Variants in RPIA observed in about 807,000 individuals in gnomAD.
The protein encoded by RPIA is ribose 5-phosphate isomerase A, also known as ribose-5-phosphate isomerase.
Under a neutral mutation model 37.8 loss-of-function variants are expected in RPIA, and 29 were observed. The observed-to-expected ratio is 0.77, with a 90% CI of 0.57 to 1.05. The LOEUF (loss-of-function observed/expected upper bound fraction) is 1.05. Ranked by LOEUF, RPIA falls within the 50% of genes least tolerant of loss-of-function variation. The pLI is 0.00. For synonymous variants in RPIA, 167 were observed against 157.0 expected (o/e 1.06, Z -0.48); for missense variants, 385 against 413.6 (o/e 0.93, Z 0.60).
intron 4 of RPIA, among the ~76,000 whole-genome samples, chr2:88,733,083 C>A (rs570498099): frequency 5.1e-4 from 78 of 152,248 alleles, no homozygotes; most frequent in African/African-American, 1.8e-3. Context: ...TAGACTAATG[C>A]TAGTTTGAGT....
At chr2:88,713,153 C>CTTTTTTTTTTTT (rs1175205465) in intron 3 of RPIA, among the ~76,000 whole-genome samples, 5 of 24,296 alleles carry the variant, frequency 2.1e-4, no homozygotes, top group Non-Finnish European at 2.7e-4. Flanking sequence ...ACGAGTAGGC[C>CTTTTTTTTTTTT]TTTTTTTTTT....
chr2:88,735,586 G>C (rs188027084), intron 5 of RPIA, 83 bp from the exon 6 acceptor site: 3 of 1,221,462 alleles, frequency 2.5e-6, no homozygotes. Flanking sequence ...GGATTGAGTG[G>C]ATTTGGGATT....
intron 3 of RPIA, among the ~76,000 whole-genome samples, chr2:88,710,611 A>G (rs892383396): frequency 6.6e-6 from 1 of 152,194 alleles, no homozygotes; most frequent in African/African-American, 2.4e-5. Flanking sequence ...GGGGTCTTGA[A>G]TGAGCCCCAT....
chr2:88,750,118 C>A lies in RPIA; in HGVS notation c.*40C>A. The stretch of plus-strand genomic sequence containing the variant: ...GAGTGTGTTCACCTTGAGTCTCCAG[C>A]CCACAGCCAAGGTGGACGTACCTCT... On this transcript the variant is annotated 3_prime_UTR_variant, in exon 9 of 9. Coordinates refer to ENST00000283646, the MANE Select transcript of RPIA (RefSeq NM_144563.3). 6.9e-7 allele frequency: 1 copy of A among 1,445,110 alleles called. No individual in the cohort carries two copies. The allele number at this position is 1,445,110 out of a possible 1,614,324, so 89.5% of individuals were successfully genotyped here. A position where few individuals can be genotyped will look rare whatever the true frequency, so the allele number is the denominator to read the frequency against.
chr2:88,727,031 G>A (rs1231676396), intron 3 of RPIA, among the ~76,000 whole-genome samples: 3 of 152,206 alleles, frequency 2.0e-5, no homozygotes, highest in Non-Finnish European at 4.4e-5. Flanking sequence ...GAGCCACCGC[G>A]CATGGCTGTT....
At position 88,750,646 on chromosome 2, in the gene RPIA, G is replaced by T; in HGVS notation, c.*568G>T. The T allele has an allele frequency of 2.5e-6, 1 of 400,318 alleles. No individual in the cohort carries two copies. The highest frequency in any genetic ancestry group is 1.3e-4 in the South Asian group (1 of 7,960). 24.8% of individuals were successfully genotyped at this position (400,318 alleles called of 1,614,324 possible). ...GGAGTGGAGCGGTATGGTATGGAAT[G>T]ACTTGGAATGTAAGCTGTCAGGGAG... On this transcript the variant is annotated 3_prime_UTR_variant, in exon 9 of 9. Transcript: ENST00000283646.
chr2:88,713,123 T>A (rs796940634), intron 3 of RPIA, among the ~76,000 whole-genome samples: 2,380 of 131,164 alleles, frequency 0.018, 22 homozygotes, highest in African/African-American at 0.039. Flanking sequence ...TATATATATT[T>A]TTTTTTTTTT....
rs1405411697 is a variant in RPIA, at chr2:88,750,147, G to A, written c.*69G>A. 1 of 1,134,110 alleles carries A rather than the reference G, an allele frequency of 8.8e-7. No homozygotes were observed. Among genetic ancestry groups the A allele is most frequent in the African/African-American group, 1.5e-5 (1 of 65,596 alleles). 70.3% of individuals were successfully genotyped at this position (1,134,110 alleles called of 1,614,324 possible). ...CAGCCAAGGTGGACGTACCTCTCCA[G>A]GAGCCTTTGCCTTAATGTATCTCTG... On this transcript the variant is annotated 3_prime_UTR_variant, in exon 9 of 9. Coordinates refer to ENST00000283646, the MANE Select transcript of RPIA (RefSeq NM_144563.3).
At chr2:88,726,083 C>G (rs1207828709) in intron 3 of RPIA, among the ~76,000 whole-genome samples, 1 of 152,116 alleles carries the variant, frequency 6.6e-6, no homozygotes, top group East Asian at 1.9e-4. Flanking sequence ...GGGAGAGTCT[C>G]AGGGCTTGCA....
Position 88,691,724 on chromosome 2 carries a change from C to G in RPIA, c.26C>G (p.Thr9Ser), listed in dbSNP as rs1676933938. The G allele has an allele frequency of 1.9e-6, 3 of 1,590,838 alleles. No individual in the cohort carries two copies. The highest frequency in any genetic ancestry group is 2.6e-6 in the Non-Finnish European group (3 of 1,174,084). Residue 9 changes from threonine (T) to serine (S), a missense_variant, in exon 1 of 9, where the codon ACC (threonine) becomes AGC (serine). Transcript: ENST00000283646. Reference protein sequence around the residue: MQRPGPFSTLYGRVLAPLP... With the variant: MQRPGPFSSLYGRVLAPLP... ...ATGCAGCGCCCCGGGCCCTTCAGCA[C>G]CCTCTACGGGCGGGTCTTGGCCCCG...
intron 8 of RPIA, among the ~76,000 whole-genome samples, chr2:88,748,709 TTC>T (rs1673467129): frequency 6.6e-6 from 1 of 152,328 alleles, no homozygotes; most frequent in Middle Eastern, 3.4e-3. Flanking sequence ...TTTTAGTTTT[TTC>T]TCTTTCTTTC....
chr2:88,738,185 T>C, intron 8 of RPIA, 109 bp downstream of exon 8: 1 of 824,100 alleles, frequency 1.2e-6, no homozygotes, highest in Non-Finnish European at 2.1e-6. Flanking sequence ...AAGGCTTGGT[T>C]GGAAAGAAGA....
chr2:88,749,911 C>G, intron 8 of RPIA, 70 bp from the exon 9 acceptor site: 1 of 1,057,426 alleles, frequency 9.5e-7, no homozygotes. Context: ...TCTAGTGACC[C>G]TGCAGTCTTT....
At chr2:88,714,158 TG>T (rs1673002948) in intron 3 of RPIA, among the ~76,000 whole-genome samples, 2 of 129,964 alleles carry the variant, frequency 1.5e-5, no homozygotes, top group East Asian at 2.2e-4. Flanking sequence ...GCTCATTTTT[TG>T]TTTTTTTGTT....
intron 3 of RPIA, among the ~76,000 whole-genome samples, chr2:88,718,939 C>G (rs1363892093): frequency 6.6e-6 from 1 of 152,116 alleles, no homozygotes; most frequent in African/African-American, 2.4e-5. Context: ...ACGTCTTAAG[C>G]AAAACGTTAA....
intron 2 of RPIA, 93 bp downstream of exon 2, chr2:88,698,637 T>C: frequency 8.5e-7 from 1 of 1,182,246 alleles, no homozygotes; most frequent in Non-Finnish European, 1.3e-6. Flanking sequence ...GGTTTGGCAT[T>C]GCCCTTTTGG....
At chr2:88,748,133 A>G (rs1177067273) in intron 8 of RPIA, among the ~76,000 whole-genome samples, 1 of 152,202 alleles carries the variant, frequency 6.6e-6, no homozygotes, top group African/African-American at 2.4e-5. Context: ...TGTTACCAAA[A>G]TTGTGTGGCC....
At chr2:88,747,993 C>T (rs1673458786) in intron 8 of RPIA, among the ~76,000 whole-genome samples, 1 of 152,192 alleles carries the variant, frequency 6.6e-6, no homozygotes, top group Non-Finnish European at 1.5e-5. Context: ...TCTTCTATTG[C>T]CATTTTCCTG....
chr2:88,750,434 T>G lies in RPIA; in HGVS notation c.*356T>G, dbSNP rs1013777714. On this transcript the variant is annotated 3_prime_UTR_variant, in exon 9 of 9. Coordinates refer to ENST00000283646, the MANE Select transcript of RPIA (RefSeq NM_144563.3). The stretch of plus-strand genomic sequence containing the variant: ...TGGTAAAGCTTCTGAATATTGAGTT[T>G]GCTGAGAAATAAAAATCAAAACTTC... The G allele has an allele frequency of 7.1e-6, 3 of 420,766 alleles. No homozygotes were observed. Among genetic ancestry groups the G allele is most frequent in the Non-Finnish European group, 1.3e-5 (3 of 238,938 alleles). 26.1% of individuals were successfully genotyped at this position (420,766 alleles called of 1,614,324 possible). A position where few individuals can be genotyped will look rare whatever the true frequency, so the allele number is the denominator to read the frequency against.
Sources: allele counts gnomAD v4.1 joint callset (sites outside exome capture counted in the v4.1 genomes callset), GRCh38; gene constraint gnomAD v4.1.1; transcripts MANE v1.5; gene names NCBI Gene and HGNC (gene_info 2026-07-23, HGNC 2026-07-21).